NFIC: variants seen among roughly 807,000 people sequenced by gnomAD.
NFIC encodes nuclear factor 1 C-type.
A neutral mutation model predicts 54.4 loss-of-function variants in NFIC; 12 were observed. The ratio of observed to expected loss-of-function variants is 0.22; its 90% confidence interval spans 0.14 to 0.36. The LOEUF is 0.36. Ranked by LOEUF, NFIC falls within the 10% of genes least tolerant of loss-of-function variation. The probability of loss-of-function intolerance (pLI) is 1.00; values close to 1 mark genes in which losing one functional copy is unlikely to be tolerated. For missense variants in NFIC, 575 were observed against 718.2 expected (o/e 0.80, Z 2.28); for synonymous variants, 322 against 319.2 (o/e 1.01, Z -0.09).
At chr19:3,455,758 C>A (rs973615868) in intron 9 of NFIC, among the ~76,000 whole-genome samples, 1 of 152,110 alleles carries the variant, frequency 6.6e-6, no homozygotes, top group Non-Finnish European at 1.5e-5. Context: ...ATGCAGGATG[C>A]TGCTTAGTAT....
At chr19:3,439,533 T>A (rs2082259586) in intron 6 of NFIC, among the ~76,000 whole-genome samples, 1 of 149,390 alleles carries the variant, frequency 6.7e-6, no homozygotes, top group Admixed American at 6.7e-5. Flanking sequence ...TCCCAGCTAC[T>A]CGGGAGGCTG....
chr19:3,412,986 G>GT (rs2081789569), intron 2 of NFIC, among the ~76,000 whole-genome samples: 2 of 152,182 alleles, frequency 1.3e-5, no homozygotes, highest in African/African-American at 2.4e-5. Flanking sequence ...ACCTTTGACA[G>GT]TGGACACAGG....
intron 2 of NFIC, among the ~76,000 whole-genome samples, chr19:3,385,233 G>A (rs977528086): frequency 4.8e-5 from 6 of 125,040 alleles, no homozygotes; most frequent in African/African-American, 1.3e-4. Flanking sequence ...TGCCCACTGC[G>A]GGTGCTCCAG....
chr19:3,374,997 A>G (rs1451917006), intron 1 of NFIC, among the ~76,000 whole-genome samples: 1 of 151,774 alleles, frequency 6.6e-6, no homozygotes, highest in Non-Finnish European at 1.5e-5. Context: ...TGTCCCCGGA[A>G]AGGGCACAGA....
At chr19:3,410,168 G>A (rs912436976) in intron 2 of NFIC, among the ~76,000 whole-genome samples, 1 of 152,122 alleles carries the variant, frequency 6.6e-6, no homozygotes, top group African/African-American at 2.4e-5. Flanking sequence ...AGCCTCCCGA[G>A]TAGCTGGGAC....
At chr19:3,405,680 A>C (rs565070880) in intron 2 of NFIC, among the ~76,000 whole-genome samples, 3 of 151,298 alleles carry the variant, frequency 2.0e-5, no homozygotes, top group African/African-American at 4.9e-5. Context: ...GCTCACTGCA[A>C]CCTCCACCTC....
upstream of NFIC, among the ~76,000 whole-genome samples, chr19:3,366,018 C>T (rs2080876060): frequency 1.3e-5 from 2 of 150,010 alleles, no homozygotes; most frequent in South Asian, 2.2e-4. Flanking sequence ...CCTCTGCGCA[C>T]GTCACTTCTT....
In NFIC at chr19:3,370,688, C is replaced by CTG. The variant is rs2080990350; in HGVS notation, c.30+4023_30+4024insGT. The stretch of plus-strand genomic sequence containing the variant: ...CTCCCTCTCTGTTCCTCTTCTTTCT[C>CTG]TCTGTCTGTCTCTTTCTTTCTCCCT... On this transcript the variant is annotated intron_variant, in intron 1 of 10. Transcript: ENST00000443272. This position sits in a 1 kb window ranked among gnomAD's most constrained non-coding sequence, Gnocchi z 5.2. Among the ~76,000 whole-genome samples the CTG allele has an allele frequency of 2.1e-5, 1 of 48,584 alleles. No individual in the cohort carries two copies. Among genetic ancestry groups the CTG allele is most frequent in the Non-Finnish European group, 4.8e-5 (1 of 20,856 alleles). 31.9% of individuals were successfully genotyped at this position (48,584 alleles called of 152,430 possible). A position where few individuals can be genotyped will look rare whatever the true frequency, so the allele number is the denominator to read the frequency against.
At position 3,429,057 on chromosome 19, in the gene NFIC, G is replaced by A. The variant is rs573851586; in HGVS notation, c.634+3880G>A. The stretch of plus-strand genomic sequence containing the variant: ...CCCAGCACTTTGGGAGGCTGAAGCG[G>A]GAGGATCGCTTGAGCCCAGGAGTTC... On this transcript the variant is annotated intron_variant, in intron 3 of 10. Transcript: ENST00000443272. Among the ~76,000 whole-genome samples the A allele has an allele frequency of 2.0e-5, 3 of 151,698 alleles. No individual in the cohort carries two copies. The East Asian group carries it at 5.8e-4, about 30-fold the overall frequency.
intron 2 of NFIC, among the ~76,000 whole-genome samples, chr19:3,393,227 A>G (rs1223373326): frequency 1.3e-5 from 2 of 152,138 alleles, no homozygotes; most frequent in Admixed American, 1.3e-4. Flanking sequence ...GCCCAGACTA[A>G]GTCCCATCTT....
chr19:3,453,795 C>CCACT lies in NFIC; in HGVS notation c.1303_1306dup (p.Cys436SerfsTer107). The stretch of plus-strand genomic sequence containing the variant: ...GAAGTGGTCAGCTCAAAATGCCCAG[C>CCACT]CACTGCCTTTCTGCTCAGATGCTGG... On this transcript the variant is annotated frameshift_variant, in exon 9 of 11. Coordinates refer to ENST00000443272, the MANE Select transcript of NFIC (RefSeq NM_001245002.2). LOFTEE classifies it high-confidence loss of function. The surrounding 1 kb of genome is among the most constrained non-coding windows in gnomAD (Gnocchi z 6.7). 6.2e-7 allele frequency: 1 copy of CCACT among 1,606,212 alleles called. No individual in the cohort carries two copies. Among genetic ancestry groups the CCACT allele is most frequent in the Non-Finnish European group, 8.5e-7 (1 of 1,176,716 alleles).
At chr19:3,429,745 C>G (rs2082092299) in intron 3 of NFIC, among the ~76,000 whole-genome samples, 1 of 152,178 alleles carries the variant, frequency 6.6e-6, no homozygotes, top group South Asian at 2.1e-4. Context: ...GTCCCACCTC[C>G]AAACCTACCA....
chr19:3,385,515 G>A (rs1233591431), intron 2 of NFIC, among the ~76,000 whole-genome samples: 1 of 151,570 alleles, frequency 6.6e-6, no homozygotes, highest in Non-Finnish European at 1.5e-5. Flanking sequence ...CTTCGGGATT[G>A]GTTTGTTTGT....
intron 6 of NFIC, among the ~76,000 whole-genome samples, chr19:3,447,810 GC>G (rs1407782073): frequency 6.6e-6 from 1 of 152,230 alleles, no homozygotes; most frequent in African/African-American, 2.4e-5. Context: ...ACACCCAGGG[GC>G]TTTCCAGGGG....
intron 6 of NFIC, among the ~76,000 whole-genome samples, chr19:3,441,799 G>A (rs1171810770): frequency 1.3e-5 from 2 of 152,218 alleles, no homozygotes; most frequent in Non-Finnish European, 2.9e-5. Context: ...ACACAAAACA[G>A]GAACCCAGGC....
intron 6 of NFIC, 123 bp downstream of exon 6, chr19:3,435,330 C>G: frequency 1.5e-6 from 2 of 1,348,640 alleles, no homozygotes; most frequent in Non-Finnish European, 2.0e-6. Context: ...GCCGCGGGGC[C>G]TCCTGGGAAT....
chr19:3,377,162 A>C (rs1739804213), intron 1 of NFIC, among the ~76,000 whole-genome samples: 1 of 148,642 alleles, frequency 6.7e-6, no homozygotes, highest in African/African-American at 2.5e-5. Context: ...CCCCGTCTCT[A>C]CTAAAAAAAA....
At chr19:3,380,795 C>A (rs1030196285) in intron 1 of NFIC, among the ~76,000 whole-genome samples, 1 of 151,992 alleles carries the variant, frequency 6.6e-6, no homozygotes, top group Non-Finnish European at 1.5e-5. Flanking sequence ...CCATACCTGG[C>A]TAATTTTTGT....
intron 1 of NFIC, among the ~76,000 whole-genome samples, chr19:3,360,260 C>CG (rs1396306213): frequency 6.9e-6 from 1 of 145,530 alleles, no homozygotes; most frequent in Non-Finnish European, 1.5e-5. Context: ...TGGAGCCGGG[C>CG]GGGCGGCCGC....
Sources: gnomAD v4.1 joint callset for allele counts (sites outside exome capture counted in the v4.1 genomes callset) on GRCh38, gnomAD v4.1.1 for gene constraint, Gnocchi (gnomAD v3.1) non-coding constraint, MANE v1.5 for transcripts, NCBI Gene and HGNC (gene_info 2026-07-23, HGNC 2026-07-21) for gene names.